CCSER1: variants seen among roughly 807,000 people sequenced by gnomAD.
CCSER1 encodes serine-rich coiled-coil domain-containing protein 1.
In CCSER1, 41 loss-of-function variants were observed where a neutral mutation model predicts 82.0. That is an observed-to-expected ratio of 0.50 (90% CI 0.39 to 0.65). CCSER1 has a LOEUF of 0.65. Ranked by LOEUF, CCSER1 falls within the 30% of genes least tolerant of loss-of-function variation. The pLI is 0.00. For missense variants in CCSER1, 1,119 were observed against 1,064.2 expected, an observed-to-expected ratio of 1.05 and a Z score of -0.72; for synonymous variants, 414 against 383.9, an observed-to-expected ratio of 1.08 and a Z score of -0.92.
At chr4:91,434,704 C>T (rs549762282) in intron 10 of CCSER1, among the ~76,000 whole-genome samples, 22 of 152,178 alleles carry the variant, frequency 1.4e-4, no homozygotes, top group Admixed American at 1.3e-3. Flanking sequence ...AGTTATTTTA[C>T]AGAATATAAT....
intron 6 of CCSER1, among the ~76,000 whole-genome samples, chr4:90,692,424 T>C (rs1031474445): frequency 6.6e-6 from 1 of 151,910 alleles, no homozygotes; most frequent in African/African-American, 2.4e-5. Flanking sequence ...TGTTGCATTA[T>C]AATTAGAAAA....
At chr4:90,934,702 C>T (rs189234412) in intron 9 of CCSER1, among the ~76,000 whole-genome samples, 6 of 152,116 alleles carry the variant, frequency 3.9e-5, no homozygotes, top group Admixed American at 1.3e-4. Context: ...GAGGCCAAGG[C>T]GGGTGGATCA....
chr4:91,152,640 T>C (rs1730352767), intron 10 of CCSER1, among the ~76,000 whole-genome samples: 1 of 152,188 alleles, frequency 6.6e-6, no homozygotes, highest in African/African-American at 2.4e-5. Context: ...TTGGCATGTT[T>C]TTGCAGTGGC....
chr4:90,896,381 A>C (rs1410447580), intron 8 of CCSER1, among the ~76,000 whole-genome samples: 1 of 151,970 alleles, frequency 6.6e-6, no homozygotes. Context: ...GTGATCTTTC[A>C]TAATTTTGGT....
intron 1 of CCSER1, among the ~76,000 whole-genome samples, chr4:90,170,279 A>T (rs1349156805): frequency 2.6e-5 from 4 of 152,012 alleles, no homozygotes; most frequent in African/African-American, 9.7e-5. Flanking sequence ...GTACTTGGGC[A>T]TCCAAACAGA....
intron 6 of CCSER1, among the ~76,000 whole-genome samples, chr4:90,639,664 G>T (rs1206128917): frequency 1.3e-5 from 2 of 152,064 alleles, no homozygotes; most frequent in East Asian, 3.9e-4. Flanking sequence ...TCTGAAAGTT[G>T]TCACTTGAGT....
intron 10 of CCSER1, among the ~76,000 whole-genome samples, chr4:91,249,116 T>G (rs2149142875): frequency 6.6e-6 from 1 of 152,266 alleles, no homozygotes; most frequent in Admixed American, 6.5e-5. Flanking sequence ...TGCTAAAATT[T>G]TTCTGTGAAT....
rs895119484 is a variant in CCSER1, at chr4:90,216,147, G to A, written c.-42+88316G>A. 2.6e-5 allele frequency among the ~76,000 whole-genome samples: 4 copies of A among 152,142 alleles called. 1 individual carries two copies. The highest frequency in any genetic ancestry group is 2.1e-4 in the South Asian group (1 of 4,824). ...GTGTGGTGGTTCTTGAATCAGCACC[G>A]TCTGCATCACCTGGAAGCTTGTTAG... On this transcript the variant is annotated intron_variant, in intron 1 of 10. Coordinates refer to ENST00000509176, the MANE Select transcript of CCSER1 (RefSeq NM_001145065.2).
chr4:90,167,751 T>C (rs1404830080), intron 1 of CCSER1, among the ~76,000 whole-genome samples: 1 of 152,096 alleles, frequency 6.6e-6, no homozygotes, highest in African/African-American at 2.4e-5. Flanking sequence ...TGTGATAGTT[T>C]GCTGAGAATG....
intron 3 of CCSER1, among the ~76,000 whole-genome samples, chr4:90,389,484 G>A (rs1431058521): frequency 6.6e-6 from 1 of 152,062 alleles, no homozygotes; most frequent in Admixed American, 6.6e-5. Flanking sequence ...CATCAAAATA[G>A]TTTGGAAACA....
intron 10 of CCSER1, among the ~76,000 whole-genome samples, chr4:91,555,090 A>AAAAT (rs1177383698): frequency 3.0e-4 from 46 of 151,256 alleles, no homozygotes; most frequent in Admixed American, 3.0e-3. Flanking sequence ...TTGCTAAAAG[A>AAAAT]AAATATATGA....
At chr4:91,148,631 C>T (rs1372567814) in intron 10 of CCSER1, among the ~76,000 whole-genome samples, 1 of 152,108 alleles carries the variant, frequency 6.6e-6, no homozygotes, top group South Asian at 2.1e-4. Flanking sequence ...CTATCCATCC[C>T]CCATCCCACC....
At chr4:90,225,049 A>T (rs1237112475) in intron 1 of CCSER1, among the ~76,000 whole-genome samples, 1 of 151,716 alleles carries the variant, frequency 6.6e-6, no homozygotes, top group Non-Finnish European at 1.5e-5. Context: ...CCTGAGTTTA[A>T]AATGACTTCC....
chr4:91,294,383 A>T (rs1743999712), intron 10 of CCSER1, among the ~76,000 whole-genome samples: 1 of 151,888 alleles, frequency 6.6e-6, no homozygotes, highest in Admixed American at 6.6e-5. Flanking sequence ...TTCCTGATAG[A>T]TCCGAAAAGT....
chr4:90,962,714 GGCAAAAGACAA>G (rs1272826402), intron 9 of CCSER1, among the ~76,000 whole-genome samples: 1 of 152,110 alleles, frequency 6.6e-6, no homozygotes, highest in Non-Finnish European at 1.5e-5. Context: ...ATTTACTAAT[GGCAAAAGACAA>G]GCCATGTCTT....
chr4:90,735,821 C>T (rs1294415784), intron 7 of CCSER1, among the ~76,000 whole-genome samples: 2 of 151,978 alleles, frequency 1.3e-5, no homozygotes, highest in Non-Finnish European at 2.9e-5. Flanking sequence ...AGTGTTTCTA[C>T]TTTTTTGAAA....
intron 10 of CCSER1, among the ~76,000 whole-genome samples, chr4:91,309,828 T>C (rs1460052734): frequency 6.6e-6 from 1 of 151,946 alleles, no homozygotes; most frequent in African/African-American, 2.4e-5. Context: ...AATGATACGT[T>C]AGTGTATTAG....
chr4:90,145,254 A>G (rs190576768), intron 1 of CCSER1, among the ~76,000 whole-genome samples: 2 of 152,290 alleles, frequency 1.3e-5, no homozygotes, highest in Admixed American at 1.3e-4. Context: ...CAAACAAAAT[A>G]CATCATTTTT....
At chr4:91,136,751 T>A (rs1728504902) in intron 10 of CCSER1, among the ~76,000 whole-genome samples, 1 of 152,270 alleles carries the variant, frequency 6.6e-6, no homozygotes, top group South Asian at 2.1e-4. Context: ...TATTTATTCA[T>A]TTTGAGTTAT....
Sources: gnomAD v4.1 joint callset for allele counts (sites outside exome capture counted in the v4.1 genomes callset) on GRCh38, gnomAD v4.1.1 for gene constraint, MANE v1.5 for transcripts, NCBI Gene and HGNC (gene_info 2026-07-23, HGNC 2026-07-21) for gene names.